The following PAK1 variants were observed in gnomAD, a reference collection of about 807,000 sequenced individuals.
PAK1 encodes the protein p21 (RAC1) activated kinase 1.
A neutral mutation model predicts 67.4 loss-of-function variants in PAK1; 29 were observed. The observed-to-expected ratio is 0.43, with a 90% CI of 0.32 to 0.59. The LOEUF (loss-of-function observed/expected upper bound fraction) is 0.59. PAK1 is among the 20% of genes least tolerant of loss of function. The pLI, the probability that PAK1 is intolerant of heterozygous loss-of-function variation, is 0.07. For synonymous variants in PAK1, 223 were observed against 237.4 expected, an observed-to-expected ratio of 0.94 and a Z score of 0.56; for missense variants, 337 against 670.7, an observed-to-expected ratio of 0.50 and a Z score of 5.50.
intron 1 of PAK1, among the ~76,000 whole-genome samples, chr11:77,466,192 C>T (rs751740040): frequency 3.3e-5 from 5 of 152,094 alleles, no homozygotes; most frequent in South Asian, 4.1e-4. Flanking sequence ...GAATCACTGT[C>T]GAAATATTCA....
intron 9 of PAK1, 190 bp from the exon 10 acceptor site, chr11:77,344,121 A>T (rs1944046650): frequency 3.7e-6 from 2 of 535,776 alleles, no homozygotes; most frequent in Non-Finnish European, 6.7e-6. Flanking sequence ...CATCATCATC[A>T]TCTGGGAGCT....
At chr11:77,490,539 G>A in the PAK1 span, among the ~76,000 whole-genome samples, 1,267 of 149,844 alleles carry the variant, frequency 8.5e-3, 17 homozygotes, top group African/African-American at 0.03. Context: ...CAGCCGCCCC[G>A]TCTGGGAGGT....
chr11:77,442,290 T>G (rs1956388934), intron 1 of PAK1, among the ~76,000 whole-genome samples: 1 of 152,184 alleles, frequency 6.6e-6, no homozygotes, highest in Admixed American at 6.5e-5. Flanking sequence ...ACAGGGTTGG[T>G]CTATGTGACT....
chr11:77,510,863 T>C, the PAK1 span, among the ~76,000 whole-genome samples: 146,291 of 152,308 alleles, frequency 0.96, 70,293 homozygotes, highest in East Asian at 1. Flanking sequence ...TTGTTTATTT[T>C]ATTTATTTGG....
the PAK1 span, among the ~76,000 whole-genome samples, chr11:77,528,375 T>A: frequency 7.2e-5 from 11 of 151,914 alleles, no homozygotes; most frequent in African/African-American, 2.7e-4. Flanking sequence ...TTTTTTTTTT[T>A]AAGAGATGGG....
intron 1 of PAK1, among the ~76,000 whole-genome samples, chr11:77,443,305 TAA>T (rs11330130): frequency 1.3e-3 from 166 of 126,860 alleles, no homozygotes; most frequent in Non-Finnish European, 1.2e-3. Flanking sequence ...CTCCGTCTCT[TAA>T]AAAAAAAAAA....
upstream of PAK1, chr11:77,476,246 CTG>C (rs1281665952): frequency 2.6e-5 from 4 of 152,230 alleles, no homozygotes; most frequent in African/African-American, 9.7e-5. Flanking sequence ...TTTACAAACA[CTG>C]TCTTTAAACC....
chr11:77,383,916 A>G (rs530209435), intron 2 of PAK1, among the ~76,000 whole-genome samples: 1 of 152,322 alleles, frequency 6.6e-6, no homozygotes, highest in East Asian at 1.9e-4. Flanking sequence ...AGAATCTCAG[A>G]GGAAGGATTC....
intron 13 of PAK1, among the ~76,000 whole-genome samples, chr11:77,335,786 A>T (rs944850336): frequency 2.0e-5 from 3 of 152,058 alleles, no homozygotes; most frequent in African/African-American, 4.8e-5. Flanking sequence ...TACTCTGTTA[A>T]CTCCCTTACT....
chr11:77,501,631 T>A, the PAK1 span, among the ~76,000 whole-genome samples: 12 of 152,178 alleles, frequency 7.9e-5, no homozygotes, highest in Non-Finnish European at 1.8e-4. Context: ...TGTGGGAATG[T>A]TTGGTGAGTG....
chr11:77,489,485 C>T, the PAK1 span, among the ~76,000 whole-genome samples: 1 of 151,898 alleles, frequency 6.6e-6, no homozygotes, highest in African/African-American at 2.4e-5. Context: ...TCCACGGTCT[C>T]CCTCTGATGC....
At chr11:77,383,782 C>T (rs980245994) in intron 2 of PAK1, among the ~76,000 whole-genome samples, 10 of 152,176 alleles carry the variant, frequency 6.6e-5, no homozygotes, top group African/African-American at 2.2e-4. Flanking sequence ...TAACAATCAT[C>T]CCCTTCACCT....
At chr11:77,476,361 G>C (rs1958061401), upstream of PAK1, 2 of 152,168 alleles carry the variant, frequency 1.3e-5, no homozygotes, top group African/African-American at 2.4e-5. Flanking sequence ...TCCTAACCCA[G>C]TAAATTGACT....
At chr11:77,346,579 G>A (rs1440614717) in intron 9 of PAK1, among the ~76,000 whole-genome samples, 1 of 152,082 alleles carries the variant, frequency 6.6e-6, no homozygotes. Flanking sequence ...AATAATTTAA[G>A]CAATAAATTT....
chr11:77,442,350 A>G (rs1159255114), intron 1 of PAK1, among the ~76,000 whole-genome samples: 1 of 152,184 alleles, frequency 6.6e-6, no homozygotes, highest in Non-Finnish European at 1.5e-5. Context: ...GTTTGATTAC[A>G]TTAGACACAG....
At chr11:77,520,047 T>C in the PAK1 span, among the ~76,000 whole-genome samples, 1 of 146,588 alleles carries the variant, frequency 6.8e-6, no homozygotes, top group Non-Finnish European at 1.5e-5. Context: ...CCAGTGCACA[T>C]GTGGGCATGG....
intron 1 of PAK1, among the ~76,000 whole-genome samples, chr11:77,461,553 A>G (rs1565719650): frequency 6.6e-6 from 1 of 152,238 alleles, no homozygotes; most frequent in Non-Finnish European, 1.5e-5. Context: ...CTTAAATTTT[A>G]CAATGAAGAC....
At chr11:77,467,313 A>G (rs1168450988) in intron 1 of PAK1, among the ~76,000 whole-genome samples, 2 of 152,016 alleles carry the variant, frequency 1.3e-5, no homozygotes, top group East Asian at 3.9e-4. Flanking sequence ...ACTTATCTCC[A>G]TATTTTTGTC....
chr11:77,361,075 C>T (rs1219158790), intron 5 of PAK1, among the ~76,000 whole-genome samples: 1 of 152,096 alleles, frequency 6.6e-6, no homozygotes, highest in East Asian at 1.9e-4. Flanking sequence ...TCTGGGGCTA[C>T]ATAAAGAATA....
Sources: gnomAD v4.1 joint callset for allele counts (sites outside exome capture counted in the v4.1 genomes callset) on GRCh38, gnomAD v4.1.1 for gene constraint, MANE v1.5 for transcripts, NCBI Gene and HGNC (gene_info 2026-07-23, HGNC 2026-07-21) for gene names.